ITPRID1: variants seen among roughly 807,000 people sequenced by gnomAD.
ITPRID1 encodes the protein protein ITPRID1.
A neutral mutation model predicts 95.4 loss-of-function variants in ITPRID1; 96 were observed. The observed-to-expected ratio is 1.01, with a 90% confidence interval of 0.85 to 1.19. ITPRID1 has a LOEUF of 1.19. Ranked by LOEUF, ITPRID1 falls within the 50% of genes most tolerant of loss-of-function variation. ITPRID1 has a pLI of 0.00. For missense variants in ITPRID1, 1,339 were observed against 1,252.9 expected (o/e 1.07, Z -1.04); for synonymous variants, 510 against 453.6 (o/e 1.12, Z -1.58).
Position 31,569,634 on chromosome 7 carries a change from A to G in ITPRID1, c.257-124A>G, listed in dbSNP as rs146981331. 4.4e-5 allele frequency: 32 copies of G among 733,192 alleles called. No homozygotes were observed. The East Asian group carries it at 8.7e-4, about 20-fold the overall frequency. 45.4% of individuals were successfully genotyped at this position (733,192 alleles called of 1,614,324 possible). On this transcript the variant is annotated intron_variant, in intron 5 of 14. Coordinates refer to ENST00000615280, the MANE Select transcript of ITPRID1 (RefSeq NM_001257967.3). The stretch of plus-strand genomic sequence containing the variant: ...TCTATTCACTGCAGTGATGCCTTGT[A>G]TTTCATGCCTATATAACCTTGGATA...
At chr7:31,642,617 C>T in intron 11 of ITPRID1, 65 bp from the exon 12 acceptor site, 2 of 1,419,878 alleles carry the variant, frequency 1.4e-6, no homozygotes, top group Non-Finnish European at 1.9e-6. Flanking sequence ...AAGAAAATCT[C>T]ACCTTAAACC....
At chr7:31,629,940 A>T (rs1287838836) in intron 10 of ITPRID1, among the ~76,000 whole-genome samples, 1 of 152,242 alleles carries the variant, frequency 6.6e-6, no homozygotes, top group African/African-American at 2.4e-5. Flanking sequence ...AAAATATACA[A>T]ACATGATATA....
At chr7:31,632,949 C>T (rs1445033105) in intron 10 of ITPRID1, among the ~76,000 whole-genome samples, 8 of 151,862 alleles carry the variant, frequency 5.3e-5, no homozygotes, top group African/African-American at 1.7e-4. Context: ...TGCTGTGGCG[C>T]GATCTTGGCT....
At chr7:31,648,702 C>A (rs1269252666) in intron 12 of ITPRID1, among the ~76,000 whole-genome samples, 1 of 152,190 alleles carries the variant, frequency 6.6e-6, no homozygotes, top group Non-Finnish European at 1.5e-5. Flanking sequence ...GTCCCCAGAA[C>A]TTTGAAGTGA....
chr7:31,599,678 C>A (rs1786297313), intron 10 of ITPRID1, among the ~76,000 whole-genome samples: 1 of 143,480 alleles, frequency 7.0e-6, no homozygotes, highest in African/African-American at 2.7e-5. Flanking sequence ...CTCTCTCTCT[C>A]TCTCTCTCTC....
chr7:31,570,470 G>T (rs1202174123), intron 6 of ITPRID1, among the ~76,000 whole-genome samples: 12 of 152,178 alleles, frequency 7.9e-5, no homozygotes, highest in African/African-American at 2.9e-4. Context: ...TCCCCTTCCT[G>T]CGCTTTTGTC....
intron 10 of ITPRID1, among the ~76,000 whole-genome samples, chr7:31,619,086 T>C (rs1031067220): frequency 6.6e-6 from 1 of 152,252 alleles, no homozygotes; most frequent in Non-Finnish European, 1.5e-5. Context: ...TTGTAAAGCA[T>C]GGTGACATTA....
At chr7:31,612,094 C>T (rs1786894677) in intron 10 of ITPRID1, among the ~76,000 whole-genome samples, 1 of 151,576 alleles carries the variant, frequency 6.6e-6, no homozygotes. Context: ...TTCAAGGTTG[C>T]TGATTCTTTT....
chr7:31,636,792 T>TA (rs1470849760), intron 10 of ITPRID1, among the ~76,000 whole-genome samples: 1 of 151,766 alleles, frequency 6.6e-6, no homozygotes, highest in Non-Finnish European at 1.5e-5. Flanking sequence ...GTTTGTTACA[T>TA]ATGTATACAT....
chr7:31,527,414 C>T (rs1342023649), intron 1 of ITPRID1, among the ~76,000 whole-genome samples: 1 of 152,130 alleles, frequency 6.6e-6, no homozygotes, highest in Non-Finnish European at 1.5e-5. Flanking sequence ...GTCTCACTTT[C>T]CTCACTCCTA....
At chr7:31,562,446 C>G (rs1020252247) in intron 5 of ITPRID1, among the ~76,000 whole-genome samples, 1 of 152,122 alleles carries the variant, frequency 6.6e-6, no homozygotes, top group Non-Finnish European at 1.5e-5. Context: ...AGAGAGGTCT[C>G]AGAAGAATAA....
chr7:31,581,684 T>C (rs1478278020), intron 9 of ITPRID1, among the ~76,000 whole-genome samples: 1 of 152,182 alleles, frequency 6.6e-6, no homozygotes, highest in Non-Finnish European at 1.5e-5. Flanking sequence ...AGCCCAGGAA[T>C]ACACCTGGCT....
intron 5 of ITPRID1, among the ~76,000 whole-genome samples, chr7:31,556,601 TG>T (rs1252330141): frequency 2.0e-5 from 3 of 151,968 alleles, no homozygotes; most frequent in African/African-American, 7.3e-5. Flanking sequence ...ACATTGAGAA[TG>T]GTGGATGCTA....
intron 10 of ITPRID1, among the ~76,000 whole-genome samples, chr7:31,625,577 A>G (rs1271917967): frequency 6.6e-6 from 1 of 152,156 alleles, no homozygotes; most frequent in Non-Finnish European, 1.5e-5. Context: ...AACAATGGGA[A>G]CACATGGACA....
chr7:31,613,946 C>A (rs1562608732), intron 10 of ITPRID1, among the ~76,000 whole-genome samples: 1 of 152,170 alleles, frequency 6.6e-6, no homozygotes, highest in Non-Finnish European at 1.5e-5. Flanking sequence ...ATTCCATATT[C>A]CCTGTGAAGT....
intron 1 of ITPRID1, among the ~76,000 whole-genome samples, chr7:31,519,618 CTCTA>C (rs1184549280): frequency 0.023 from 735 of 31,596 alleles, 2 homozygotes; most frequent in Non-Finnish European, 0.032. Context: ...CTCTCTCTCT[CTCTA>C]TATATATATA....
In ITPRID1 at chr7:31,645,275, C is replaced by T. The variant is rs560945276; in HGVS notation, c.2583+1322C>T. On this transcript the variant is annotated intron_variant, in intron 12 of 14. Coordinates refer to ENST00000615280, the MANE Select transcript of ITPRID1 (RefSeq NM_001257967.3). The stretch of plus-strand genomic sequence containing the variant: ...AAAGATAAAGCAAATTACTACTTGG[C>T]CTTTCAATGTATAGAAATCACATTA... Among the ~76,000 whole-genome samples the T allele has an allele frequency of 5.9e-5, 9 of 152,144 alleles. No individual in the cohort carries two copies. The South Asian group carries it at 1.9e-3, about 32-fold the overall frequency.
intron 5 of ITPRID1, among the ~76,000 whole-genome samples, chr7:31,559,770 A>G (rs894835902): frequency 6.6e-6 from 1 of 152,174 alleles, no homozygotes; most frequent in Non-Finnish European, 1.5e-5. Flanking sequence ...GATGAAAGTA[A>G]TTTTTCAGCT....
chr7:31,520,308 C>G (rs1249916820), intron 1 of ITPRID1, among the ~76,000 whole-genome samples: 2 of 152,110 alleles, frequency 1.3e-5, no homozygotes, highest in African/African-American at 4.8e-5. Context: ...CAGGTTTCTG[C>G]ACTGTTAAGT....
Sources: allele counts gnomAD v4.1 joint callset (sites outside exome capture counted in the v4.1 genomes callset), GRCh38; gene constraint gnomAD v4.1.1; transcripts MANE v1.5; gene names NCBI Gene and HGNC (gene_info 2026-07-23, HGNC 2026-07-21).